EDIL3: variants seen among roughly 807,000 people sequenced by gnomAD.
The protein encoded by EDIL3 is EGF like and discoidin domains 3, also known as EGF-like repeat and discoidin I-like domain-containing protein 3.
Under a neutral mutation model 67.4 loss-of-function variants are expected in EDIL3, and 37 were observed. The observed-to-expected ratio is 0.55, with a 90% CI of 0.42 to 0.72. The LOEUF (loss-of-function observed/expected upper bound fraction) is 0.72. EDIL3 is among the 30% of genes least tolerant of loss of function. The pLI is 0.00. For synonymous variants in EDIL3, 195 were observed against 196.3 expected (o/e 0.99, Z 0.05); for missense variants, 527 against 586.3 (o/e 0.90, Z 1.04).
intron 1 of EDIL3, among the ~76,000 whole-genome samples, chr5:84,329,942 C>T (rs150869062): frequency 0.014 from 2,111 of 152,124 alleles, 56 homozygotes; most frequent in African/African-American, 0.049. Context: ...ATACAGGATA[C>T]TCAGATTTGC....
chr5:84,322,839 A>G (rs1187571945), intron 1 of EDIL3, among the ~76,000 whole-genome samples: 1 of 152,088 alleles, frequency 6.6e-6, no homozygotes, highest in Non-Finnish European at 1.5e-5. Context: ...CATCACGTAC[A>G]AGGGATTCTC....
chr5:84,112,121 A>C (rs540883379), intron 5 of EDIL3, among the ~76,000 whole-genome samples: 1 of 152,254 alleles, frequency 6.6e-6, no homozygotes, highest in African/African-American at 2.4e-5. Flanking sequence ...ATTTTGCAGA[A>C]GACGGTGATG....
intron 1 of EDIL3, among the ~76,000 whole-genome samples, chr5:84,308,569 A>G (rs1746318193): frequency 6.6e-6 from 1 of 152,182 alleles, no homozygotes; most frequent in Admixed American, 6.5e-5. Context: ...TTCATTTGGA[A>G]GAATTGTTAT....
At chr5:84,345,135 A>G (rs11948205) in intron 1 of EDIL3, among the ~76,000 whole-genome samples, 40,273 of 152,052 alleles carry the variant, frequency 0.26, 6,592 homozygotes, top group Non-Finnish European at 0.37. Flanking sequence ...ATTTTGTAAC[A>G]TCTCCCATTT....
intron 3 of EDIL3, among the ~76,000 whole-genome samples, chr5:84,227,463 T>G (rs1349749205): frequency 1.3e-5 from 2 of 152,070 alleles, no homozygotes; most frequent in Non-Finnish European, 2.9e-5. Flanking sequence ...AAGGGAACAC[T>G]TACTCACTGT....
At chr5:84,335,299 C>T (rs1289114426) in intron 1 of EDIL3, among the ~76,000 whole-genome samples, 1 of 152,148 alleles carries the variant, frequency 6.6e-6, no homozygotes, top group Non-Finnish European at 1.5e-5. Context: ...GCTTTATAGC[C>T]ATGCTGTCCC....
At chr5:84,117,251 CGATCTCCTGACCTCGT>C (rs1747687847) in intron 5 of EDIL3, among the ~76,000 whole-genome samples, 1 of 151,784 alleles carries the variant, frequency 6.6e-6, no homozygotes, top group Admixed American at 6.6e-5. Flanking sequence ...AGGATGGTCT[CGATCTCCTGACCTCGT>C]GATCCACCCG....
chr5:84,314,383 C>T (rs1746467563), intron 1 of EDIL3, among the ~76,000 whole-genome samples: 1 of 152,162 alleles, frequency 6.6e-6, no homozygotes, highest in African/African-American at 2.4e-5. Context: ...GTGTCAGAAA[C>T]ATCTGCTTTA....
intron 9 of EDIL3, among the ~76,000 whole-genome samples, chr5:83,991,837 T>A (rs1028330926): frequency 3.3e-5 from 5 of 152,122 alleles, no homozygotes; most frequent in African/African-American, 1.2e-4. Context: ...GAGGCACCTA[T>A]CTCCCTAAAG....
chr5:83,957,193 T>C (rs1744530534), intron 10 of EDIL3, among the ~76,000 whole-genome samples: 1 of 151,724 alleles, frequency 6.6e-6, no homozygotes, highest in Non-Finnish European at 1.5e-5. Flanking sequence ...CCATGCAATA[T>C]GGAGTGAAAC....
chr5:84,226,906 TA>T (rs779862470), intron 3 of EDIL3, among the ~76,000 whole-genome samples: 8 of 151,936 alleles, frequency 5.3e-5, no homozygotes, highest in Admixed American at 2.6e-4. Flanking sequence ...AAGGCCTTCT[TA>T]GTGAGGAGAG....
chr5:84,160,819 C>CCTTTCCTTTTCCTTTCCTTTT (rs1258829510), intron 4 of EDIL3, among the ~76,000 whole-genome samples: 1 of 69,126 alleles, frequency 1.4e-5, no homozygotes, highest in African/African-American at 6.3e-5. Context: ...CCTTTCCTTT[C>CCTTTCCTTTTCCTTTCCTTTT]CCTTTCCTTT....
Position 84,001,266 on chromosome 5 carries a change from C to T in EDIL3, c.1138-37906G>A, listed in dbSNP as rs530538535. Among the ~76,000 whole-genome samples, 5 of 152,172 alleles carry T rather than the reference C, an allele frequency of 3.3e-5. No individual in the cohort carries two copies. The South Asian group carries it at 1.0e-3, about 32-fold the overall frequency. On this transcript the variant is annotated intron_variant, in intron 9 of 10. Transcript: ENST00000296591. ...GTTTCACCATGTAGGCCCAGCTGGTCTCAAACTTCAGACCTCAGGTGATCT... is the reference window on the plus strand; with the variant it reads ...GTTTCACCATGTAGGCCCAGCTGGTTTCAAACTTCAGACCTCAGGTGATCT...
intron 1 of EDIL3, among the ~76,000 whole-genome samples, chr5:84,294,119 C>T (rs1580059939): frequency 6.6e-6 from 1 of 151,072 alleles, no homozygotes; most frequent in East Asian, 1.9e-4. Context: ...TGCGGTGGCT[C>T]ACGCCTGTAA....
intron 9 of EDIL3, among the ~76,000 whole-genome samples, chr5:83,996,178 T>A (rs544184239): frequency 6.6e-6 from 1 of 152,326 alleles, no homozygotes; most frequent in African/African-American, 2.4e-5. Context: ...AATGCAAACC[T>A]TTATAATAAT....
chr5:83,945,008 C>T (rs1292440293), intron 10 of EDIL3, among the ~76,000 whole-genome samples: 2 of 151,992 alleles, frequency 1.3e-5, no homozygotes, highest in East Asian at 3.9e-4. Flanking sequence ...CTTATACGGC[C>T]ACAAATGTTC....
chr5:84,049,079 T>C (rs1007136174), intron 9 of EDIL3, among the ~76,000 whole-genome samples: 3 of 152,118 alleles, frequency 2.0e-5, no homozygotes, highest in African/African-American at 7.2e-5. Flanking sequence ...GTAGAGAAGA[T>C]TGGCAAATGA....
chr5:84,187,638 C>T (rs2112364257), intron 3 of EDIL3, among the ~76,000 whole-genome samples: 1 of 152,138 alleles, frequency 6.6e-6, no homozygotes, highest in Non-Finnish European at 1.5e-5. Context: ...ACCCCAAATT[C>T]TGGTGTTAAG....
intron 1 of EDIL3, among the ~76,000 whole-genome samples, chr5:84,352,276 A>G (rs1747376743): frequency 6.6e-6 from 1 of 152,174 alleles, no homozygotes; most frequent in Non-Finnish European, 1.5e-5. Context: ...CAGCAATCTC[A>G]TTACCGGGTA....
Sources: gnomAD v4.1 joint callset for allele counts (sites outside exome capture counted in the v4.1 genomes callset) on GRCh38, gnomAD v4.1.1 for gene constraint, MANE v1.5 for transcripts, NCBI Gene and HGNC (gene_info 2026-07-23, HGNC 2026-07-21) for gene names.